Variants in NAPRT observed in about 807,000 individuals in gnomAD.
The protein encoded by NAPRT is FHA-HIT-interacting protein.
A neutral mutation model predicts 60.7 loss-of-function variants in NAPRT; 66 were observed. That is an observed-to-expected ratio of 1.09 (90% CI 0.89 to 1.33). The LOEUF (loss-of-function observed/expected upper bound fraction) is 1.33, where lower values mean the gene tolerates loss of function less well. NAPRT is among the 40% of genes most tolerant of loss of function. The pLI is 0.00. For missense variants in NAPRT, 818 were observed against 731.5 expected, an observed-to-expected ratio of 1.12 and a Z score of -1.36; for synonymous variants, 405 against 335.7, an observed-to-expected ratio of 1.21 and a Z score of -2.26.
chr8:143,573,599 C>A (rs1245280097), downstream of NAPRT: 1 of 152,292 alleles, frequency 6.6e-6, no homozygotes, highest in African/African-American at 2.4e-5. Context: ...AGCCATGCTT[C>A]CTGTACCTGC....
chr8:143,573,412 G>C (rs1033153274), downstream of NAPRT: 1 of 152,248 alleles, frequency 6.6e-6, no homozygotes, highest in African/African-American at 2.4e-5. Context: ...GGTGGGGCCT[G>C]GTGGGAAGTG....
In NAPRT at chr8:143,577,891, G is replaced by A. The variant is rs1341931915; in HGVS notation, c.279C>T (p.Phe93=). 4.3e-6 allele frequency: 7 copies of A among 1,612,206 alleles called. No homozygotes were observed. In the Admixed American group the frequency reaches 5.0e-5, roughly 12 times the overall value. Residue 93 remains phenylalanine, a synonymous_variant, in exon 2 of 13, where the codon TTC becomes TTT. Transcript: ENST00000449291. ...VLPPDTDPAF[F]EHLRALDCSE... ...AGCAGTCGAGGGCCCGAAGGTGCTC[G>A]AAGAACGCAGGATCCGTGTCTGGGG...
downstream of NAPRT, chr8:143,574,625 G>GC: frequency 1.5e-6 from 1 of 654,938 alleles, no homozygotes; most frequent in South Asian, 1.8e-5. Flanking sequence ...TCGGGCTTCA[G>GC]CACAGGGCTG....
chr8:143,576,321 G>A (rs1824451592), intron 7 of NAPRT, 111 bp downstream of exon 7: 2 of 1,457,046 alleles, frequency 1.4e-6, no homozygotes, highest in Non-Finnish European at 1.9e-6. Context: ...CCCTGCCACG[G>A]CCTGCAGTAT....
rs765747366 is a variant in NAPRT, at chr8:143,577,129, G to A, written c.617C>T (p.Pro206Leu). Residue 206 changes from proline (P) to leucine (L), a missense_variant, in exon 5 of 13, where the codon CCG becomes CTG. Physicochemically the swap from Pro to Leu is moderately conservative, Grantham distance 98. Coordinates refer to ENST00000449291, the MANE Select transcript of NAPRT (RefSeq NM_145201.6). The stretch of plus-strand genomic sequence containing the variant: ...GGAGTGGGCCAGGGTCCCGGCCACC[G>A]GCACACCTCGCAGCTGGCCCGCTAG... Reference protein sequence around the residue: ...NVLAGQLRGVPVAGTLAHSFV... With the variant: ...NVLAGQLRGVLVAGTLAHSFV... The A allele has an allele frequency of 6.2e-6, 10 of 1,612,850 alleles. No individual in the cohort carries two copies. Among genetic ancestry groups the A allele is most frequent in the Non-Finnish European group, 7.6e-6 (9 of 1,179,946 alleles).
In NAPRT at chr8:143,575,772, T is replaced by TG. The variant is rs557055905; in HGVS notation, c.1108-71dup. ...GGGAAGGGGGTGGCACTGCCCTGGG[T>TG]GGGGAAGGAGGTGGCACTGCCCTGG... On this transcript the variant is annotated intron_variant, in intron 8 of 12. Transcript: ENST00000449291. The TG allele has an allele frequency of 2.9e-5, 12 of 407,236 alleles. No individual in the cohort carries two copies. The African/African-American group carries it at 5.7e-4, about 19-fold the overall frequency. 25.2% of individuals were successfully genotyped at this position (407,236 alleles called of 1,614,324 possible).
chr8:143,576,191 G>GCCA, intron 7 of NAPRT, 29 bp from the exon 8 acceptor site: 1 of 1,556,824 alleles, frequency 6.4e-7, no homozygotes, highest in Non-Finnish European at 8.7e-7. Context: ...AAGGGTGGGG[G>GCCA]CCACCCCTCG....
At chr8:143,576,030 C>T (rs946493117) in intron 8 of NAPRT, 48 bp downstream of exon 8, 1 of 1,468,596 alleles carries the variant, frequency 6.8e-7, no homozygotes, top group South Asian at 1.3e-5. Context: ...CTGCAGGGGC[C>T]CCCAGAGCCC....
chr8:143,574,655 C>T, downstream of NAPRT: 1 of 733,362 alleles, frequency 1.4e-6, no homozygotes, highest in Admixed American at 2.1e-5. Context: ...CCGGCAGGGC[C>T]TGTGCTTTCA....
chr8:143,576,170 G>T lies in NAPRT; in HGVS notation c.1023-8C>A. On this transcript the variant is annotated splice_region_variant and splice_polypyrimidine_tract_variant and intron_variant, in intron 7 of 12. Coordinates refer to ENST00000449291, the MANE Select transcript of NAPRT (RefSeq NM_145201.6). Reference sequence around the variant, plus strand: ...AGCCAGGGCACCTGGAACCTGCCGCGTGGGTGGAGAAAGGGTGGGGGCCAC... The same window carrying T: ...AGCCAGGGCACCTGGAACCTGCCGCTTGGGTGGAGAAAGGGTGGGGGCCAC... 1.9e-6 allele frequency: 3 copies of T among 1,589,152 alleles called. No individual in the cohort carries two copies. Among genetic ancestry groups the T allele is most frequent in the Non-Finnish European group, 2.6e-6 (3 of 1,165,936 alleles).
chr8:143,577,036 C>T lies in NAPRT; in HGVS notation c.684+26G>A, dbSNP rs144784556. 157 of 1,604,086 alleles carry T rather than the reference C, an allele frequency of 9.8e-5. No individual in the cohort carries two copies. In the African/African-American group the frequency reaches 2.0e-3, roughly 20 times the overall value. On this transcript the variant is annotated intron_variant, in intron 5 of 12. Transcript: ENST00000449291. ...TGGCTTGGGGCCTGTCGCCTGGAGA[C>T]AGCAGGGTTTAGAGGAGGGACTGAC...
chr8:143,577,735 G>A lies in NAPRT; in HGVS notation c.359C>T (p.Pro120Leu). 1 of 1,550,194 alleles carries A rather than the reference G, an allele frequency of 6.5e-7. No homozygotes were observed. Among genetic ancestry groups the A allele is most frequent in the East Asian group, 2.4e-5 (1 of 41,394 alleles). The change falls in exon 3 of 13, where the codon CCG becomes CTG. Residue 120 changes from proline (P) to leucine (L), a missense_variant. By Grantham distance (98) the Pro-to-Leu change is moderately conservative. Transcript: ENST00000449291. Reference sequence around the variant, plus strand: ...GAGCGGCCCGGACACCTGCAGGAGCGGCACCTGCGGGGAGAGAAGTCAGCT... The same window carrying A: ...GAGCGGCCCGGACACCTGCAGGAGCAGCACCTGCGGGGAGAGAAGTCAGCT... ...PEGSLAFPGV[P>L]LLQVSGPLLV...
At chr8:143,573,599 C>T (rs1245280097), downstream of NAPRT, 1 of 152,292 alleles carries the variant, frequency 6.6e-6, no homozygotes, top group Admixed American at 6.5e-5. Flanking sequence ...AGCCATGCTT[C>T]CTGTACCTGC....
Position 143,578,277 on chromosome 8 carries a change from C to A in NAPRT, c.42G>T (p.Arg14=). The A allele has an allele frequency of 7.1e-7, 1 of 1,413,956 alleles. No homozygotes were observed. Among genetic ancestry groups the A allele is most frequent in the Non-Finnish European group, 9.2e-7 (1 of 1,091,040 alleles). 87.6% of individuals were successfully genotyped at this position (1,413,956 alleles called of 1,614,324 possible). A position where few individuals can be genotyped will look rare whatever the true frequency, so the allele number is the denominator to read the frequency against. The change falls in exon 1 of 13, where the codon CGG becomes CGT. Residue 14 remains arginine (R), a synonymous_variant. Coordinates refer to ENST00000449291, the MANE Select transcript of NAPRT (RefSeq NM_145201.6). The stretch of plus-strand genomic sequence containing the variant: ...CCTGGTAGAGGTCAGTGAGCAGCGG[C>A]CGCGCCGCCGCGCGCGCCTCGGGGT... The part of the protein sequence containing the change: ...EQDPEARAAA[R]PLLTDLYQAT...
At chr8:143,573,528 G>C (rs1272810938), downstream of NAPRT, 1 of 152,144 alleles carries the variant, frequency 6.6e-6, no homozygotes, top group East Asian at 1.9e-4. Context: ...CCTTCCTCCG[G>C]CCATGTAAGA....
chr8:143,576,540 A>G lies in NAPRT; in HGVS notation c.914T>C (p.Leu305Pro), dbSNP rs757207102. ...CCGGTAGCCCAGCTCTCCCAGGGCC[A>G]GGGCGACTGCTAGGAAGTTGGGGAG... ...SGLPNFLAVALALGELGYRAV... is the reference protein window; with the variant it reads ...SGLPNFLAVAPALGELGYRAV... Residue 305 changes from leucine (L) to proline (P), a missense_variant, in exon 7 of 13, where the codon CTG becomes CCG. Coordinates refer to ENST00000449291, the MANE Select transcript of NAPRT (RefSeq NM_145201.6). 5.0e-6 allele frequency: 8 copies of G among 1,612,012 alleles called. No individual in the cohort carries two copies. The highest frequency in any genetic ancestry group is 4.4e-5 in the South Asian group (4 of 90,960).
intron 1 of NAPRT, 63 bp from the exon 2 acceptor site, chr8:143,578,006 G>A: frequency 1.3e-6 from 2 of 1,554,612 alleles, no homozygotes. Flanking sequence ...GACATGGGGG[G>A]TTCCACGGGG....
Position 143,576,560 on chromosome 8 carries a change from G to A in NAPRT, c.894C>T (p.Pro298=), listed in dbSNP as rs744650. The A allele has an allele frequency of 0.024, 38,621 of 1,610,952 alleles. 596 individuals carry two copies. The highest frequency in any genetic ancestry group is 0.055 in the Middle Eastern group (331 of 6,048). ...DTYSVWRSGL[P]NFLAVALALG... Reference sequence around the variant, plus strand: ...GGGCCAGGGCGACTGCTAGGAAGTTGGGGAGACCACTCCTGCAGAAATAGA... The same window carrying A: ...GGGCCAGGGCGACTGCTAGGAAGTTAGGGAGACCACTCCTGCAGAAATAGA... Residue 298 remains proline (P), a synonymous_variant, in exon 7 of 13, where the codon CCC becomes CCT. Coordinates refer to ENST00000449291, the MANE Select transcript of NAPRT (RefSeq NM_145201.6).
rs200867887 is a variant in NAPRT, at chr8:143,576,853, G to A, written c.685-11C>T. The A allele has an allele frequency of 6.3e-7, 1 of 1,589,012 alleles. No individual in the cohort carries two copies. The highest frequency in any genetic ancestry group is 8.6e-7 in the Non-Finnish European group (1 of 1,165,256). On this transcript the variant is annotated splice_polypyrimidine_tract_variant and intron_variant, in intron 5 of 12. Transcript: ENST00000449291. ...TGCTGGCGCCAACATCTGTGGAACAGAGTCGGTGAAGAATGGGGGCCAGGA... is the reference window on the plus strand; with the variant it reads ...TGCTGGCGCCAACATCTGTGGAACAAAGTCGGTGAAGAATGGGGGCCAGGA...
Sources: gnomAD v4.1 joint callset for allele counts on GRCh38, gnomAD v4.1.1 for gene constraint, MANE v1.5 for transcripts, NCBI Gene and HGNC (gene_info 2026-07-23, HGNC 2026-07-21) for gene names.